The following FILIP1 variants were observed in gnomAD, a reference collection of about 807,000 sequenced individuals.
The protein encoded by FILIP1 is filamin-A-interacting protein 1.
A neutral mutation model predicts 102.1 loss-of-function variants in FILIP1; 61 were observed. The observed-to-expected ratio is 0.60, with a 90% confidence interval of 0.49 to 0.74. The LOEUF (loss-of-function observed/expected upper bound fraction) is 0.74. Among genes scored for constraint, FILIP1 ranks in the 30% least tolerant of loss-of-function variants. FILIP1 has a pLI of 0.00. For synonymous variants in FILIP1, 491 were observed against 526.9 expected (o/e 0.93, Z 0.93); for missense variants, 1,314 against 1,441.2 (o/e 0.91, Z 1.43).
chr6:75,345,001 C>T (rs1582374768), intron 4 of FILIP1, among the ~76,000 whole-genome samples: 1 of 152,342 alleles, frequency 6.6e-6, no homozygotes, highest in Admixed American at 6.5e-5. Context: ...ACTGTGCCAA[C>T]ATGAACATCT....
At chr6:75,391,666 G>T (rs1776284043) in intron 2 of FILIP1, among the ~76,000 whole-genome samples, 1 of 152,090 alleles carries the variant, frequency 6.6e-6, no homozygotes, top group Admixed American at 6.6e-5. Flanking sequence ...CTAGGACATT[G>T]CTCCAGTCTT....
At chr6:75,462,383 A>G (rs868364708) in intron 1 of FILIP1, among the ~76,000 whole-genome samples, 3 of 152,088 alleles carry the variant, frequency 2.0e-5, no homozygotes, top group South Asian at 4.1e-4. Context: ...TGCAGCGGAG[A>G]GGCTGCACAA....
At position 75,329,768 on chromosome 6, in the gene FILIP1, A is replaced by T. The variant is rs113402665; in HGVS notation, c.630-14566T>A. ...AAAGGGCATTACTTTTTAATTTTTT[A>T]AATTTTTAATCTTTAATTTTTGTGG... On this transcript the variant is annotated intron_variant, in intron 4 of 5. Transcript: ENST00000237172. 5.3e-3 allele frequency among the ~76,000 whole-genome samples: 810 copies of T among 152,246 alleles called. 15 individuals are homozygous for T. Among genetic ancestry groups the T allele is most frequent in the African/African-American group, 0.019 (771 of 41,558 alleles).
At chr6:75,357,758 C>T (rs1775051665) in intron 3 of FILIP1, among the ~76,000 whole-genome samples, 2 of 152,150 alleles carry the variant, frequency 1.3e-5, no homozygotes. Flanking sequence ...GTACCAGATG[C>T]TGTTTCTTGT....
intron 2 of FILIP1, among the ~76,000 whole-genome samples, chr6:75,380,909 G>A (rs559563317): frequency 2.0e-5 from 3 of 152,206 alleles, no homozygotes; most frequent in African/African-American, 7.2e-5. Context: ...TAGAATTATG[G>A]ATGATTATGA....
rs750831950 is a variant in FILIP1, at chr6:75,414,952, A to C, written c.21T>G (p.Gly7=). The change falls in exon 2 of 6, where the codon GGT becomes GGG. Residue 7 remains glycine (G), a synonymous_variant. Transcript: ENST00000237172. ...TATGCCCATCAGATGCACTTTCACC[A>C]CCTTGGTTTCGAGATCTCATTCCCA... MRSRNQ[G]GESASDGHIS... is the part of the protein sequence containing the mutation. The C allele has an allele frequency of 2.5e-6, 4 of 1,613,492 alleles. No individual in the cohort carries two copies. In the East Asian group the frequency reaches 8.9e-5, roughly 36 times the overall value.
At chr6:75,446,834 G>C (rs191548398) in intron 1 of FILIP1, among the ~76,000 whole-genome samples, 61 of 152,250 alleles carry the variant, frequency 4.0e-4, no homozygotes, top group African/African-American at 1.4e-3. Context: ...AATTTGGGGA[G>C]TTGGATTTTT....
At chr6:75,292,416 G>A (rs1031786059) in exon 7 of FILIP1, 2 of 152,096 alleles carry the variant, frequency 1.3e-5, no homozygotes, top group Non-Finnish European at 2.9e-5. Context: ...TTATGGCATC[G>A]ATAAACATTT....
chr6:75,423,376 G>A (rs186601916), intron 1 of FILIP1, among the ~76,000 whole-genome samples: 85 of 152,064 alleles, frequency 5.6e-4, no homozygotes, highest in Middle Eastern at 3.4e-3. Flanking sequence ...ATTGTGATGC[G>A]CAACAAAAAG....
chr6:75,444,367 T>A (rs1211982366), intron 1 of FILIP1, among the ~76,000 whole-genome samples: 1 of 152,208 alleles, frequency 6.6e-6, no homozygotes, highest in Non-Finnish European at 1.5e-5. Flanking sequence ...TAGTCTACTA[T>A]CAGTTACTCT....
chr6:75,373,299 A>C (rs1775636927), intron 2 of FILIP1, among the ~76,000 whole-genome samples: 1 of 152,196 alleles, frequency 6.6e-6, no homozygotes, highest in Non-Finnish European at 1.5e-5. Flanking sequence ...AAGGGATGCT[A>C]TTTTTTAATT....
intron 1 of FILIP1, among the ~76,000 whole-genome samples, chr6:75,482,914 A>C (rs1779683713): frequency 6.6e-6 from 1 of 152,354 alleles, no homozygotes; most frequent in South Asian, 2.1e-4. Context: ...GTGATTCTAA[A>C]AACAGTGCCA....
intron 2 of FILIP1, among the ~76,000 whole-genome samples, chr6:75,396,310 T>A (rs1776458967): frequency 6.6e-6 from 1 of 151,728 alleles, no homozygotes; most frequent in Non-Finnish European, 1.5e-5. Flanking sequence ...ACTCTTGCTG[T>A]GATCTGGGGA....
intron 6 of FILIP1, among the ~76,000 whole-genome samples, chr6:75,300,913 T>A (rs561922334): frequency 6.6e-6 from 1 of 152,232 alleles, no homozygotes; most frequent in Non-Finnish European, 1.5e-5. Flanking sequence ...GATAAATTCT[T>A]TTTTGGCAAG....
intron 1 of FILIP1, among the ~76,000 whole-genome samples, chr6:75,419,100 A>C (rs1777365492): frequency 6.6e-6 from 1 of 152,190 alleles, no homozygotes; most frequent in African/African-American, 2.4e-5. Flanking sequence ...TTTATGCTGA[A>C]TTAACAAGTA....
intron 4 of FILIP1, among the ~76,000 whole-genome samples, chr6:75,328,830 G>C (rs1028660854): frequency 6.6e-6 from 1 of 151,864 alleles, no homozygotes; most frequent in African/African-American, 2.4e-5. Context: ...TATTTAGCTC[G>C]CCCCTCTCAC....
intron 2 of FILIP1, chr6:75,386,228 G>C (rs1256798147): frequency 4.6e-5 from 7 of 152,226 alleles, no homozygotes; most frequent in Non-Finnish European, 1.0e-4. Context: ...CTCCAAGCAA[G>C]TGGTCAGATG....
intron 2 of FILIP1, among the ~76,000 whole-genome samples, chr6:75,378,788 T>C (rs1276696191): frequency 1.3e-5 from 2 of 152,146 alleles, no homozygotes; most frequent in African/African-American, 2.4e-5. Context: ...TGGACAAATA[T>C]AGTAATGAGA....
chr6:75,426,910 G>A (rs576559251), intron 1 of FILIP1, among the ~76,000 whole-genome samples: 114 of 152,024 alleles, frequency 7.5e-4, no homozygotes, highest in African/African-American at 2.6e-3. Flanking sequence ...CATTTTGCAC[G>A]GGACCCTCCA....
Sources: allele counts gnomAD v4.1 joint callset (sites outside exome capture counted in the v4.1 genomes callset), GRCh38; gene constraint gnomAD v4.1.1; transcripts MANE v1.5; gene names NCBI Gene and HGNC (gene_info 2026-07-23, HGNC 2026-07-21).